The following CYP11B2 variants were observed in gnomAD, a reference collection of about 807,000 sequenced individuals.
CYP11B2 encodes the protein cytochrome P450 11B2, mitochondrial.
CYP11B2 carries 38 observed loss-of-function variants against 49.3 expected under a neutral mutation model. The ratio of observed to expected loss-of-function variants is 0.77; its 90% CI spans 0.59 to 1.01. The LOEUF (loss-of-function observed/expected upper bound fraction) is 1.01, where lower values mean the gene tolerates loss of function less well. CYP11B2 is among the 50% of genes least tolerant of loss of function. CYP11B2 has a pLI of 0.00. For missense variants in CYP11B2, 669 were observed against 655.5 expected (o/e 1.02, Z -0.23); for synonymous variants, 290 against 269.3 (o/e 1.08, Z -0.75).
Position 142,917,006 on chromosome 8 carries a change from C to T in CYP11B2, c.395+53G>A, listed in dbSNP as rs529349358. 41 of 1,606,048 alleles carry T rather than the reference C, an allele frequency of 2.6e-5. No homozygotes were observed. The South Asian group carries it at 3.8e-4, about 15-fold the overall frequency. ...TCCTACCTCTCTCGCCTCCCCCCTACACCCAGGCTGCCCACCCTGCTCCCA... is the reference window on the plus strand; with the variant it reads ...TCCTACCTCTCTCGCCTCCCCCCTATACCCAGGCTGCCCACCCTGCTCCCA... On this transcript the variant is annotated intron_variant, in intron 2 of 8. Coordinates refer to ENST00000323110, the MANE Select transcript of CYP11B2 (RefSeq NM_000498.3).
rs529683430 is a variant in CYP11B2, at chr8:142,915,148, C to A, written c.493G>T (p.Ala165Ser). 63 of 1,614,086 alleles carry A rather than the reference C, an allele frequency of 3.9e-5. 1 individual carries two copies. The Middle Eastern group carries it at 4.9e-4, about 13-fold the overall frequency. The change falls in exon 3 of 9, where the codon GCC (alanine) becomes TCC (serine). Residue 165 changes from alanine to serine, a missense_variant. Physicochemically the swap from Ala to Ser is moderately conservative, Grantham distance 99. Transcript: ENST00000323110. ...TTCAGGGCCTGGGAGAAGTCCCTGGCCACTGCATCCACCATCGGGAGGAAC... is the reference window on the plus strand; with the variant it reads ...TTCAGGGCCTGGGAGAAGTCCCTGGACACTGCATCCACCATCGGGAGGAAC... ...QRFLPMVDAV[A>S]RDFSQALKKK...
Position 142,914,363 on chromosome 8 carries a change from G to T in CYP11B2, c.855C>A (p.His285Gln). The change falls in exon 5 of 9, where the codon CAC becomes CAA. Residue 285 changes from histidine to glutamine, a missense_variant. By Grantham distance (24) the His-to-Gln change is conservative (BLOSUM62 0). Coordinates refer to ENST00000323110, the MANE Select transcript of CYP11B2 (RefSeq NM_000498.3). Reference sequence around the variant, plus strand: ...GGAGCTCCGCCACGATGCCTGTGTAGTGTTGAGGGCGGTTGAAGGCCAGTT... The same window carrying T: ...GGAGCTCCGCCACGATGCCTGTGTATTGTTGAGGGCGGTTGAAGGCCAGTT... Reference protein sequence around the residue: ...YQELAFNRPQHYTGIVAELLL... With the variant: ...YQELAFNRPQQYTGIVAELLL... 2 of 1,613,512 alleles carry T rather than the reference G, an allele frequency of 1.2e-6. No individual in the cohort carries two copies. Among genetic ancestry groups the T allele is most frequent in the Non-Finnish European group, 1.7e-6 (2 of 1,179,450 alleles).
At position 142,916,985 on chromosome 8, in the gene CYP11B2, A is replaced by G. The variant is rs377248666; in HGVS notation, c.395+74T>C. 569 of 1,578,540 alleles carry G rather than the reference A, an allele frequency of 3.6e-4. 1 individual carries two copies. The highest frequency in any genetic ancestry group is 1.4e-3 in the South Asian group (126 of 87,032). ...CAGGGCAGATGTGCTTTTGGGTCCT[A>G]CCTCTCTCGCCTCCCCCCTACACCC... On this transcript the variant is annotated intron_variant, in intron 2 of 8. Coordinates refer to ENST00000323110, the MANE Select transcript of CYP11B2 (RefSeq NM_000498.3).
chr8:142,912,511 C>T lies in CYP11B2; in HGVS notation c.1398+19G>A. ...GCCTCTGCTGCCCAGGTCCCGCCCC[C>T]GCCCCCAGGCCTGCTTACGTGGTGC... On this transcript the variant is annotated intron_variant, in intron 8 of 8. Transcript: ENST00000323110. 2 of 1,607,096 alleles carry T rather than the reference C, an allele frequency of 1.2e-6. No individual in the cohort carries two copies. Among genetic ancestry groups the T allele is most frequent in the Non-Finnish European group, 1.7e-6 (2 of 1,175,556 alleles).
intron 5 of CYP11B2, 55 bp from the exon 6 acceptor site, chr8:142,913,506 G>A: frequency 6.2e-7 from 1 of 1,610,482 alleles, no homozygotes; most frequent in Non-Finnish European, 8.5e-7. Flanking sequence ...TCAGCCCCCG[G>A]GACACCCCTC....
At chr8:142,914,468 C>G (rs373759720) in intron 4 of CYP11B2, 50 bp from the exon 5 acceptor site, 10 of 1,531,976 alleles carry the variant, frequency 6.5e-6, no homozygotes, top group South Asian at 1.2e-5. Flanking sequence ...TGGGAAGCAT[C>G]CTTCAGTGTC....
At chr8:142,914,000 G>C (rs1817588903) in intron 5 of CYP11B2, 1 of 604,610 alleles carries the variant, frequency 1.7e-6, no homozygotes, top group African/African-American at 1.8e-5. Context: ...TGTGTCCAGG[G>C]CCTCATCCAA....
At chr8:142,912,372 C>T (rs189485465) in intron 8 of CYP11B2, among the ~76,000 whole-genome samples, 158 bp downstream of exon 8, 19 of 152,252 alleles carry the variant, frequency 1.2e-4, no homozygotes, top group African/African-American at 4.6e-4. Flanking sequence ...CCTACCCTGT[C>T]TTGCTCAGCA....
At chr8:142,913,163 G>A in intron 6 of CYP11B2, 122 bp downstream of exon 6, 2 of 1,108,412 alleles carry the variant, frequency 1.8e-6, no homozygotes, top group Admixed American at 2.0e-5. Flanking sequence ...AAGAGCAGGT[G>A]CAGGGGAATG....
At chr8:142,917,535 T>C (rs61758591) in intron 1 of CYP11B2, 67 bp downstream of exon 1, 12 of 1,613,404 alleles carry the variant, frequency 7.4e-6, no homozygotes, top group African/African-American at 1.3e-5. Context: ...GCTGAGTGCC[T>C]GGCAGGGTCC....
At chr8:142,913,938 A>G in intron 5 of CYP11B2, 1 of 521,818 alleles carries the variant, frequency 1.9e-6, no homozygotes, top group East Asian at 4.9e-5. Context: ...CTGCCTCTCA[A>G]CCCTCCTTCT....
Position 142,917,651 on chromosome 8 carries a change from G to A in CYP11B2, c.190C>T (p.Leu64=), listed in dbSNP as rs775368457. 1 of 1,614,252 alleles carries A rather than the reference G, an allele frequency of 6.2e-7. No homozygotes were observed. The highest frequency in any genetic ancestry group is 8.5e-7 in the Non-Finnish European group (1 of 1,180,050). ...AAGGTCTGGTGCATCTCCAGGTGCA[G>A]GTGCTCATAACCCTGCTCCCTCCAG... is the stretch of plus-strand genomic sequence containing the variant. The part of the protein sequence containing the change: ...QIWREQGYEH[L]HLEMHQTFQE... Residue 64 remains leucine, a synonymous_variant, in exon 1 of 9, where the codon CTG becomes TTG. Transcript: ENST00000323110.
chr8:142,917,519 G>A (rs1421951036), intron 1 of CYP11B2, 83 bp downstream of exon 1: 1 of 1,613,340 alleles, frequency 6.2e-7, no homozygotes, highest in Non-Finnish European at 8.5e-7. Flanking sequence ...TGCTGGGAAT[G>A]GCAGTGCTGA....
At position 142,915,675 on chromosome 8, in the gene CYP11B2, A is replaced by G. The variant is rs377378565; in HGVS notation, c.396-430T>C. Among the ~76,000 whole-genome samples, 176 of 127,288 alleles carry G rather than the reference A, an allele frequency of 1.4e-3. 14 individuals carry two copies. Among genetic ancestry groups the G allele is most frequent in the Middle Eastern group, 7.5e-3 (2 of 266 alleles). 83.5% of individuals were successfully genotyped at this position (127,288 alleles called of 152,430 possible). A position where few individuals can be genotyped will look rare whatever the true frequency, so the allele number is the denominator to read the frequency against. ...AGCCCCTGGCTGCCCTCTCCTCCCC[A>G]CCCTTCCCCGCCCTGGGCACAGTGC... On this transcript the variant is annotated intron_variant, in intron 2 of 8. Coordinates refer to ENST00000323110, the MANE Select transcript of CYP11B2 (RefSeq NM_000498.3).
At chr8:142,913,189 C>A (rs1017706011) in intron 6 of CYP11B2, 96 bp downstream of exon 6, 1 of 1,371,558 alleles carries the variant, frequency 7.3e-7, no homozygotes, top group Non-Finnish European at 1.0e-6. Flanking sequence ...CTGGGTGACG[C>A]TGTTTATCAG....
chr8:142,914,915 G>C lies in CYP11B2; in HGVS notation c.596-7C>G. ...AAAAGAGCTAAGTTGCTGGCTGCGGGGAGGATGCACTGCTGAGCACAAGGC... is the reference window on the plus strand; with the variant it reads ...AAAAGAGCTAAGTTGCTGGCTGCGGCGAGGATGCACTGCTGAGCACAAGGC... On this transcript the variant is annotated splice_polypyrimidine_tract_variant and splice_region_variant and intron_variant, in intron 3 of 8. Coordinates refer to ENST00000323110, the MANE Select transcript of CYP11B2 (RefSeq NM_000498.3). The C allele has an allele frequency of 6.2e-7, 1 of 1,613,578 alleles. No individual in the cohort carries two copies. Among genetic ancestry groups the C allele is most frequent in the Non-Finnish European group, 8.5e-7 (1 of 1,179,926 alleles).
Position 142,912,633 on chromosome 8 carries a change from C to T in CYP11B2, c.1295G>A (p.Arg432Lys). The part of the protein sequence containing the change: ...RYNPQRWLDI[R>K]GSGRNFHHVP... ...GTGGTGGAAGTTCCTGCCGGAGCCC[C>T]TGATGTCTAGCCAGCGCTGGGGATT... The change falls in exon 8 of 9, where the codon AGG (arginine) becomes AAG (lysine). Residue 432 changes from arginine to lysine, a missense_variant. Physicochemically the swap from Arg to Lys is conservative, Grantham distance 26. Transcript: ENST00000323110. 1 of 1,614,238 alleles carries T rather than the reference C, an allele frequency of 6.2e-7. No homozygotes were observed. The highest frequency in any genetic ancestry group is 8.5e-7 in the Non-Finnish European group (1 of 1,180,042).
rs1342676966 is a variant in CYP11B2, at chr8:142,914,897, C to T, written c.607G>A (p.Ala203Thr). 2 of 1,613,742 alleles carry T rather than the reference C, an allele frequency of 1.2e-6. No homozygotes were observed. Among genetic ancestry groups the T allele is most frequent in the East Asian group, 4.5e-5 (2 of 44,882 alleles). The change falls in exon 4 of 9, where the codon GCT (alanine) becomes ACT (threonine). Residue 203 changes from alanine to threonine, a missense_variant. Ala to Thr is a moderately conservative substitution (Grantham distance 58, BLOSUM62 0). Transcript: ENST00000323110. ...AGGCCCAGCCGCTCTCCAAAAAGAG[C>T]TAAGTTGCTGGCTGCGGGGAGGATG... The part of the protein sequence containing the change: ...FHYTIEASNL[A>T]LFGERLGLVG...
rs1459482463 is a variant in CYP11B2, at chr8:142,912,052, G to T, written c.1440C>A (p.Asp480Glu). The T allele has an allele frequency of 4.3e-6, 7 of 1,613,974 alleles. No individual in the cohort carries two copies. Among genetic ancestry groups the T allele is most frequent in the Non-Finnish European group, 5.9e-6 (7 of 1,179,992 alleles). ...HFLVETLTQE[D>E]IKMVYSFILR... ...ATATGAAGCTGTAGACCATCTTTAT[G>T]TCCTCTTGAGTTAGTGTCTCCACCA... Residue 480 changes from aspartate to glutamate, a missense_variant, in exon 9 of 9, where the codon GAC becomes GAA. Coordinates refer to ENST00000323110, the MANE Select transcript of CYP11B2 (RefSeq NM_000498.3).
Sources: allele counts gnomAD v4.1 joint callset (sites outside exome capture counted in the v4.1 genomes callset), GRCh38; gene constraint gnomAD v4.1.1; transcripts MANE v1.5; gene names NCBI Gene and HGNC (gene_info 2026-07-23, HGNC 2026-07-21).